The following HERC2 variants were observed in gnomAD, a reference collection of about 807,000 sequenced individuals.
HERC2 encodes E3 ubiquitin-protein ligase HERC2.
Under a neutral mutation model 537.7 loss-of-function variants are expected in HERC2, and 102 were observed. The observed-to-expected ratio is 0.19, with a 90% CI of 0.16 to 0.22. The LOEUF (loss-of-function observed/expected upper bound fraction) is 0.22, where lower values mean the gene tolerates loss of function less well. Ranked by LOEUF, HERC2 falls within the 10% of genes least tolerant of loss-of-function variation. HERC2 has a pLI of 1.00. For synonymous variants in HERC2, 2,224 were observed against 2,466.2 expected (o/e 0.90, Z 2.91); for missense variants, 4,236 against 6,198.2 (o/e 0.68, Z 10.63).
At position 28,318,068 on chromosome 15, in the gene HERC2, TTTACC is replaced by T. The variant is rs768579349; in HGVS notation, c.72+3289_72+3293del. Among the ~76,000 whole-genome samples, 16 of 152,330 alleles carry T rather than the reference TTTACC, an allele frequency of 1.1e-4. 1 individual carries two copies. In the South Asian group the frequency reaches 2.7e-3, roughly 26 times the overall value. ...GGACTTATGCTCAAAGACATGCGCC[TTTACC>T]TTACAACAAAACTGGCGAACAGGCA... On this transcript the variant is annotated intron_variant, in intron 2 of 92. Transcript: ENST00000261609.
intron 68 of HERC2, among the ~76,000 whole-genome samples, chr15:28,164,084 G>A (rs562290677): frequency 8.5e-5 from 13 of 152,310 alleles, no homozygotes; most frequent in Admixed American, 5.2e-4. Flanking sequence ...CACCGCTTCC[G>A]ACCCAGCATG....
chr15:28,159,818 G>C (rs1258724602), intron 69 of HERC2, among the ~76,000 whole-genome samples: 1 of 152,176 alleles, frequency 6.6e-6, no homozygotes, highest in Non-Finnish European at 1.5e-5. Context: ...CTGATTTTTA[G>C]AATTTTCAGT....
chr15:28,184,375 T>C (rs1896103888), intron 56 of HERC2, among the ~76,000 whole-genome samples: 1 of 152,138 alleles, frequency 6.6e-6, no homozygotes, highest in Non-Finnish European at 1.5e-5. Context: ...GTGGCAGCCC[T>C]GTAGGAGGAG....
In HERC2 at chr15:28,302,512, CT is replaced by C. The variant is rs2076663308; in HGVS notation, c.73-2997del. ...CTTCAACATACTGATATTCTTTCCT[CT>C]GGGTATATACCTACCAGTGGGATTG... On this transcript the variant is annotated intron_variant, in intron 2 of 92. Transcript: ENST00000261609. 2.1e-4 allele frequency among the ~76,000 whole-genome samples: 24 copies of C among 114,882 alleles called. No individual in the cohort carries two copies. The South Asian group carries it at 8.1e-3, about 39-fold the overall frequency. 75.4% of individuals were successfully genotyped at this position (114,882 alleles called of 152,430 possible).
chr15:28,277,866 C>G (rs146778562), intron 5 of HERC2, among the ~76,000 whole-genome samples: 9 of 152,228 alleles, frequency 5.9e-5, no homozygotes, highest in African/African-American at 2.2e-4. Context: ...AGGCTTGCCC[C>G]ACCCTGGCTC....
Position 28,265,682 on chromosome 15 carries a change from T to C in HERC2, c.1806A>G (p.Gly602=), listed in dbSNP as rs1297233908. 6.2e-7 allele frequency: 1 copy of C among 1,614,146 alleles called. No homozygotes were observed. Among genetic ancestry groups the C allele is most frequent in the South Asian group, 1.1e-5 (1 of 91,082 alleles). ...AIPMLVAGLK[G]LKVIDVACGS... ...CACACGCCACATCGATGACCTTCAG[T>C]CCTTTAAGCCCGGCTACCAGCATCG... Residue 602 remains glycine (G), a synonymous_variant, in exon 14 of 93, where the codon GGA becomes GGG. Transcript: ENST00000261609. This position sits in a 1 kb window ranked among gnomAD's most constrained non-coding sequence, Gnocchi z 4.0.
At chr15:28,276,315 C>T (rs1223283962) in intron 5 of HERC2, among the ~76,000 whole-genome samples, 1 of 151,252 alleles carries the variant, frequency 6.6e-6, no homozygotes, top group Non-Finnish European at 1.5e-5. Context: ...CGCTTATCCA[C>T]AAGTGCCTGA....
intron 71 of HERC2, among the ~76,000 whole-genome samples, 155 bp from the exon 72 acceptor site, chr15:28,144,959 ACT>A (rs1891588837): frequency 1.3e-5 from 2 of 152,082 alleles, no homozygotes; most frequent in South Asian, 4.1e-4. Flanking sequence ...GTGACACAAC[ACT>A]CTTGGGATTC....
At chr15:28,188,635 A>C (rs757693916) in intron 55 of HERC2, among the ~76,000 whole-genome samples, 4 of 152,160 alleles carry the variant, frequency 2.6e-5, no homozygotes, top group Non-Finnish European at 4.4e-5. Context: ...TATTGAAGCA[A>C]GTGCTCCTGA....
intron 78 of HERC2, among the ~76,000 whole-genome samples, chr15:28,139,177 C>G (rs532769304): frequency 1.3e-5 from 2 of 152,360 alleles, no homozygotes; most frequent in South Asian, 2.1e-4. Flanking sequence ...AGCATGCCTA[C>G]AGCTCCCTCT....
chr15:28,117,033 A>G lies in HERC2; in HGVS notation c.13394T>C (p.Val4465Ala). The G allele has an allele frequency of 1.9e-6, 3 of 1,614,128 alleles. No homozygotes were observed. The highest frequency in any genetic ancestry group is 2.5e-6 in the Non-Finnish European group (3 of 1,180,026). The change falls in exon 87 of 93, where the codon GTC becomes GCC. Residue 4465 changes from valine to alanine, a missense_variant. Val to Ala is a moderately conservative substitution (Grantham distance 64). Around this residue, in one of 27 missense-constraint regions of HERC2, gnomAD observed 29 missense variants for 102.1 expected, o/e 0.28. Coordinates refer to ENST00000261609, the MANE Select transcript of HERC2 (RefSeq NM_004667.6). ...GPDSLLLPHR[V>A]WKVKFVGESV... is the part of the protein sequence containing the mutation. ...CTCACCCACAAACTTGACTTTCCAGACACGGTGAGGAAGGAGGAGGCTGTC... is the reference window on the plus strand; with the variant it reads ...CTCACCCACAAACTTGACTTTCCAGGCACGGTGAGGAAGGAGGAGGCTGTC...
chr15:28,179,299 T>G, intron 57 of HERC2, 76 bp from the exon 58 acceptor site: 2 of 1,108,306 alleles, frequency 1.8e-6, no homozygotes, highest in Non-Finnish European at 2.7e-6. Context: ...GTTACCTTAT[T>G]ATATGATACA....
intron 5 of HERC2, among the ~76,000 whole-genome samples, chr15:28,279,449 A>T (rs1025257614): frequency 6.6e-5 from 10 of 152,178 alleles, no homozygotes; most frequent in Admixed American, 1.3e-4. Flanking sequence ...TTTCCAATTT[A>T]TACTTGAGCT....
intron 9 of HERC2, among the ~76,000 whole-genome samples, 183 bp from the exon 10 acceptor site, chr15:28,271,051 T>C (rs2140988953): frequency 6.6e-6 from 1 of 152,322 alleles, no homozygotes; most frequent in South Asian, 2.1e-4. Flanking sequence ...ACTGTGTAAA[T>C]GTCTAAATTT....
At position 28,124,164 on chromosome 15, in the gene HERC2, T is replaced by C; in HGVS notation, c.13061A>G (p.His4354Arg). ...IALRNRLLLL[H>R]HLSELFCPCI... ...GGGGCAGAAGAGCTCGGAGAGGTGG[T>C]GCAGCAGCAGCAGACGGTTCCTCAG... Residue 4354 changes from histidine (H) to arginine (R), a missense_variant, in exon 85 of 93, where the codon CAC (histidine) becomes CGC (arginine). This residue lies in a region of HERC2 where 189 missense variants were observed against 255.7 expected (regional missense o/e 0.74). Transcript: ENST00000261609. The C allele has an allele frequency of 6.3e-7, 1 of 1,584,678 alleles. No individual in the cohort carries two copies. The highest frequency in any genetic ancestry group is 8.6e-7 in the Non-Finnish European group (1 of 1,165,198).
chr15:28,316,706 T>A (rs867193597), intron 2 of HERC2, among the ~76,000 whole-genome samples: 1 of 152,240 alleles, frequency 6.6e-6, no homozygotes, highest in African/African-American at 2.4e-5. Context: ...ATCTATCAAC[T>A]GGATTATGAA....
chr15:28,170,320 C>A (rs1310521159), intron 65 of HERC2, among the ~76,000 whole-genome samples: 1 of 152,184 alleles, frequency 6.6e-6, no homozygotes, highest in Non-Finnish European at 1.5e-5. Context: ...GTGGTACTGG[C>A]ATAAGAATCA....
In HERC2 at chr15:28,225,473, G is replaced by C. The variant is rs556459027; in HGVS notation, c.5464+2745C>G. Among the ~76,000 whole-genome samples, 4 of 152,130 alleles carry C rather than the reference G, an allele frequency of 2.6e-5. No homozygotes were observed. In the South Asian group the frequency reaches 6.2e-4, roughly 24 times the overall value. The stretch of plus-strand genomic sequence containing the variant: ...AGCACTTTGGGGAGCTGAGGTGGGC[G>C]GATCGCGAGGTCAAGAGATCGAGAC... On this transcript the variant is annotated intron_variant, in intron 35 of 92. Coordinates refer to ENST00000261609, the MANE Select transcript of HERC2 (RefSeq NM_004667.6).
chr15:28,206,749 C>T (rs1222527514), intron 44 of HERC2, among the ~76,000 whole-genome samples: 1 of 142,212 alleles, frequency 7.0e-6, no homozygotes, highest in African/African-American at 2.6e-5. Context: ...AGGAGAATGG[C>T]ATGAACCTGG....
Sources: allele counts gnomAD v4.1 joint callset (sites outside exome capture counted in the v4.1 genomes callset), GRCh38; gene constraint gnomAD v4.1.1; regional missense constraint gnomAD v4.1.1; non-coding constraint Gnocchi (gnomAD v3.1); transcripts MANE v1.5; gene names NCBI Gene and HGNC (gene_info 2026-07-23, HGNC 2026-07-21).